SLC24A2: variants seen among roughly 807,000 people sequenced by gnomAD.
The protein encoded by SLC24A2 is solute carrier family 24 member 2, also known as sodium/potassium/calcium exchanger 2.
A neutral mutation model predicts 62.0 loss-of-function variants in SLC24A2; 36 were observed. The observed-to-expected ratio is 0.58, with a 90% CI of 0.44 to 0.77. The LOEUF is 0.77. Among genes scored for constraint, SLC24A2 ranks in the 30% least tolerant of loss-of-function variants. The pLI, the probability that SLC24A2 is intolerant of heterozygous loss-of-function variation, is 0.00. For synonymous variants in SLC24A2, 358 were observed against 294.0 expected (o/e 1.22, Z -2.23); for missense variants, 846 against 817.9 (o/e 1.03, Z -0.42).
intron 8 of SLC24A2, among the ~76,000 whole-genome samples, chr9:19,530,139 G>A (rs571061872): frequency 6.9e-6 from 1 of 145,694 alleles, no homozygotes; most frequent in African/African-American, 2.6e-5. Context: ...CGAATTCCCT[G>A]AGCCAGTGCT....
chr9:19,815,671 T>C, the SLC24A2 span, among the ~76,000 whole-genome samples: 1 of 152,164 alleles, frequency 6.6e-6, no homozygotes, highest in Admixed American at 6.6e-5. Flanking sequence ...AGTCACCGGC[T>C]CTTAAATTAA....
intron 4 of SLC24A2, among the ~76,000 whole-genome samples, chr9:19,604,575 G>A (rs904852266): frequency 6.6e-6 from 1 of 152,084 alleles, no homozygotes; most frequent in Non-Finnish European, 1.5e-5. Flanking sequence ...TCTGGTGCAT[G>A]AAAGCATCCA....
At chr9:20,102,107 C>T in the SLC24A2 span, among the ~76,000 whole-genome samples, 1 of 152,148 alleles carries the variant, frequency 6.6e-6, no homozygotes, top group African/African-American at 2.4e-5. Flanking sequence ...TCACCCATGG[C>T]CAGATCAGAG....
the SLC24A2 span, among the ~76,000 whole-genome samples, chr9:20,061,515 G>T: frequency 6.6e-6 from 1 of 151,998 alleles, no homozygotes; most frequent in Non-Finnish European, 1.5e-5. Flanking sequence ...TTGAGCTCCT[G>T]ACCTCAAATG....
chr9:19,552,519 T>C (rs1834894923), intron 7 of SLC24A2, among the ~76,000 whole-genome samples: 1 of 151,678 alleles, frequency 6.6e-6, no homozygotes, highest in African/African-American at 2.4e-5. Flanking sequence ...TGAGAGATGA[T>C]TTTTTTTTCT....
At chr9:20,261,493 TA>T in the SLC24A2 span, among the ~76,000 whole-genome samples, 5 of 152,160 alleles carry the variant, frequency 3.3e-5, no homozygotes, top group East Asian at 9.7e-4. Context: ...AACCCACTCC[TA>T]CAATAACAAC....
chr9:19,854,240 T>G, the SLC24A2 span, among the ~76,000 whole-genome samples: 1 of 152,072 alleles, frequency 6.6e-6, no homozygotes, highest in Non-Finnish European at 1.5e-5. Flanking sequence ...ATTAATTTTT[T>G]CAAAAAACAG....
chr9:19,567,011 T>G lies in SLC24A2; in HGVS notation c.1347+6340A>C, dbSNP rs192717542. On this transcript the variant is annotated intron_variant, in intron 7 of 10. Transcript: ENST00000341998. ...CATTAGGAGATATATCTAATGTAAA[T>G]GGCGAGTTAATGGCTGCGGCACACC... Among the ~76,000 whole-genome samples, 707 of 150,840 alleles carry G rather than the reference T, an allele frequency of 4.7e-3. 2 individuals are homozygous for G. Among genetic ancestry groups the G allele is most frequent in the Non-Finnish European group, 7.4e-3 (504 of 67,962 alleles).
chr9:19,532,629 T>C (rs1292596752), intron 8 of SLC24A2, among the ~76,000 whole-genome samples: 1 of 152,204 alleles, frequency 6.6e-6, no homozygotes, highest in Non-Finnish European at 1.5e-5. Context: ...ATTGGGGAAG[T>C]GAACATGACT....
At chr9:19,837,172 G>A in the SLC24A2 span, among the ~76,000 whole-genome samples, 9 of 151,818 alleles carry the variant, frequency 5.9e-5, no homozygotes, top group African/African-American at 2.2e-4. Context: ...TGGCACAAGG[G>A]CCGGGTGCGG....
chr9:19,681,786 C>T (rs558551243), intron 2 of SLC24A2, among the ~76,000 whole-genome samples: 2 of 152,168 alleles, frequency 1.3e-5, no homozygotes, highest in Non-Finnish European at 2.9e-5. Context: ...TCTTAGTTAA[C>T]ATGAGCATTT....
the SLC24A2 span, among the ~76,000 whole-genome samples, chr9:20,220,430 C>T: frequency 1.3e-5 from 2 of 152,154 alleles, no homozygotes; most frequent in Non-Finnish European, 1.5e-5. Flanking sequence ...TCAATCAGAG[C>T]TCCATATGGG....
At chr9:19,532,316 G>A (rs958282350) in intron 8 of SLC24A2, among the ~76,000 whole-genome samples, 16 of 151,954 alleles carry the variant, frequency 1.1e-4, no homozygotes, top group African/African-American at 3.4e-4. Context: ...GGCTGGTCTC[G>A]AACTCCCAAC....
chr9:19,734,063 G>A (rs1455530182), intron 2 of SLC24A2, among the ~76,000 whole-genome samples: 1 of 152,140 alleles, frequency 6.6e-6, no homozygotes, highest in East Asian at 1.9e-4. Flanking sequence ...GTTTAGGGAT[G>A]TTCTTAACTA....
chr9:20,276,803 C>T, the SLC24A2 span, among the ~76,000 whole-genome samples: 1 of 152,220 alleles, frequency 6.6e-6, no homozygotes, highest in Non-Finnish European at 1.5e-5. Context: ...GGGCCCAACA[C>T]CATGTGTAAG....
rs747521087 is a variant in SLC24A2 at position 19,516,197 on chromosome 9, C to G, written c.1942G>C (p.Val648Leu). 12 of 1,614,000 alleles carry G rather than the reference C, an allele frequency of 7.4e-6. No homozygotes were observed. Among genetic ancestry groups the G allele is most frequent in the Non-Finnish European group, 9.3e-6 (11 of 1,180,020 alleles). ...GLYFVFLVVS[V>L]LLEDRILTCP... ...GTAAGAATTCTGTCTTCTAGGAGAA[C>G]GCTCACCACCAGGAACACAAAGTAG... The change falls in exon 11 of 11, where the codon GTT becomes CTT. Residue 648 changes from valine (V) to leucine (L), a missense_variant. By Grantham distance (32) the Val-to-Leu change is conservative (BLOSUM62 1). Coordinates refer to ENST00000341998, the MANE Select transcript of SLC24A2 (RefSeq NM_020344.4).
the SLC24A2 span, among the ~76,000 whole-genome samples, chr9:19,854,205 G>A: frequency 1.1e-3 from 162 of 152,030 alleles, 4 homozygotes; most frequent in East Asian, 0.025. Flanking sequence ...TTCTTTATCA[G>A]TCTAGCTAGC....
the SLC24A2 span, among the ~76,000 whole-genome samples, chr9:20,233,649 C>G: frequency 1.3e-5 from 2 of 152,200 alleles, no homozygotes; most frequent in African/African-American, 2.4e-5. Flanking sequence ...TTCCTGAATA[C>G]AGTACACTGA....
the SLC24A2 span, among the ~76,000 whole-genome samples, chr9:19,871,902 T>G: frequency 1.0e-3 from 155 of 152,330 alleles, no homozygotes; most frequent in African/African-American, 3.5e-3. Context: ...TAAAAACTAC[T>G]TACAGTTAAA....
Sources: allele counts gnomAD v4.1 joint callset (sites outside exome capture counted in the v4.1 genomes callset), GRCh38; gene constraint gnomAD v4.1.1; transcripts MANE v1.5; gene names NCBI Gene and HGNC (gene_info 2026-07-23, HGNC 2026-07-21).